Variants in PHIP observed in about 807,000 individuals in gnomAD.
The protein encoded by PHIP is PH-interacting protein.
Under a neutral mutation model 236.8 loss-of-function variants are expected in PHIP, and 54 were observed. That is an observed-to-expected ratio of 0.23 (90% CI 0.18 to 0.29). The LOEUF (loss-of-function observed/expected upper bound fraction) is 0.29. Ranked by LOEUF, PHIP falls within the 10% of genes least tolerant of loss-of-function variation. The pLI is 1.00. For synonymous variants in PHIP, 756 were observed against 718.9 expected, an observed-to-expected ratio of 1.05 and a Z score of -0.83; for missense variants, 1,370 against 2,190.8, an observed-to-expected ratio of 0.63 and a Z score of 7.48.
intron 6 of PHIP, 137 bp from the exon 7 acceptor site, chr6:79,043,140 G>C: frequency 1.1e-5 from 7 of 662,678 alleles, no homozygotes; most frequent in Admixed American, 6.3e-5. Flanking sequence ...ATGGCTTCTA[G>C]TTAAAAGTCT....
At chr6:78,996,723 T>C (rs1229625829) in intron 19 of PHIP, among the ~76,000 whole-genome samples, 3 of 152,188 alleles carry the variant, frequency 2.0e-5, no homozygotes, top group Non-Finnish European at 2.9e-5. Context: ...TTTAATTATG[T>C]AATTACTATC....
intron 15 of PHIP, among the ~76,000 whole-genome samples, chr6:79,010,350 T>C (rs1215504754): frequency 2.0e-5 from 3 of 151,658 alleles, no homozygotes; most frequent in Non-Finnish European, 4.4e-5. Flanking sequence ...TTTGGAACGT[T>C]GCAAGGAGAA....
chr6:79,015,578 A>T, intron 14 of PHIP, 52 bp downstream of exon 14: 1 of 1,330,956 alleles, frequency 7.5e-7, no homozygotes, highest in Non-Finnish European at 1.0e-6. Flanking sequence ...AGAATGTTTC[A>T]TTCTATAGTC....
chr6:79,061,141 ACTT>A (rs1773352611), intron 4 of PHIP, among the ~76,000 whole-genome samples: 3 of 152,318 alleles, frequency 2.0e-5, no homozygotes, highest in Admixed American at 2.0e-4. Context: ...TTTTGGAACA[ACTT>A]CAAAATACTG....
chr6:78,952,324 CAGG>C (rs1242335841), intron 35 of PHIP, among the ~76,000 whole-genome samples: 2 of 148,330 alleles, frequency 1.3e-5, no homozygotes, highest in African/African-American at 5.0e-5. Flanking sequence ...GAGGCCGAGG[CAGG>C]AGAATCGCTT....
chr6:78,999,175 C>T (rs1328241293), intron 17 of PHIP, among the ~76,000 whole-genome samples: 2 of 152,144 alleles, frequency 1.3e-5, no homozygotes, highest in East Asian at 3.8e-4. Context: ...TATTTTAATC[C>T]ATCCAAGTTT....
intron 7 of PHIP, among the ~76,000 whole-genome samples, chr6:79,035,327 A>G (rs1408076753): frequency 6.6e-6 from 1 of 152,142 alleles, no homozygotes. Context: ...GTGTCATAGT[A>G]TTGGCTTCTA....
rs1485895246 is a variant in PHIP at position 78,958,503 on chromosome 6, C to T, written c.3754G>A (p.Val1252Met). 9.0e-6 allele frequency: 14 copies of T among 1,552,532 alleles called. No individual in the cohort carries two copies. In the East Asian group the frequency reaches 2.2e-4, roughly 25 times the overall value. Residue 1252 changes from valine (V) to methionine (M), a missense_variant, in exon 32 of 40, where the codon GTG becomes ATG. This residue lies in a region of PHIP where 238 missense variants were observed against 398.5 expected (regional missense o/e 0.60). Transcript: ENST00000275034. ...GSPIVKSAKF[V>M]TDLLLHFIKD... Reference sequence around the variant, plus strand: ...ATAAAATGTAGAAGAAGATCAGTCACGAATTTAGCAGATTTCACAATAGGG... The same window carrying T: ...ATAAAATGTAGAAGAAGATCAGTCATGAATTTAGCAGATTTCACAATAGGG...
At chr6:79,012,330 C>A (rs1770625594) in intron 15 of PHIP, among the ~76,000 whole-genome samples, 1 of 151,602 alleles carries the variant, frequency 6.6e-6, no homozygotes, top group South Asian at 2.1e-4. Flanking sequence ...GTCTACATTC[C>A]TTATTTTCTA....
chr6:78,988,888 T>C (rs868322280), intron 20 of PHIP, among the ~76,000 whole-genome samples: 28 of 152,134 alleles, frequency 1.8e-4, no homozygotes, highest in South Asian at 6.2e-4. Context: ...CAGAGGCAAA[T>C]TGGAAACCAA....
At chr6:78,986,588 T>C (rs1768881071) in intron 21 of PHIP, among the ~76,000 whole-genome samples, 1 of 152,188 alleles carries the variant, frequency 6.6e-6, no homozygotes, top group African/African-American at 2.4e-5. Flanking sequence ...TAAGCCCAGG[T>C]CACTTTAGTC....
intron 4 of PHIP, among the ~76,000 whole-genome samples, chr6:79,068,474 G>GA (rs367921365): frequency 2.0e-4 from 31 of 152,116 alleles, no homozygotes; most frequent in African/African-American, 7.2e-4. Context: ...AAAACAAAGC[G>GA]AAATAAACAA....
intron 15 of PHIP, among the ~76,000 whole-genome samples, chr6:79,009,496 T>C (rs80045669): frequency 0.037 from 5,576 of 152,142 alleles, 101 homozygotes; most frequent in Middle Eastern, 0.058. Context: ...CATGCTACTG[T>C]TTGAAATTAT....
intron 38 of PHIP, 180 bp from the exon 39 acceptor site, chr6:78,945,677 T>G (rs1165287595): frequency 1.6e-5 from 10 of 619,694 alleles, no homozygotes; most frequent in South Asian, 8.3e-5. Context: ...CTCTTAATAG[T>G]TTCAGCCCTT....
At chr6:78,988,735 G>GT (rs149365393) in intron 20 of PHIP, among the ~76,000 whole-genome samples, 2,312 of 146,492 alleles carry the variant, frequency 0.016, 21 homozygotes, top group African/African-American at 0.021. Context: ...CAAAAATGCT[G>GT]TTTTTTTTTT....
chr6:78,941,018 C>G lies in PHIP; in HGVS notation c.5141G>C (p.Arg1714Thr). The change falls in exon 40 of 40, where the codon AGG (arginine) becomes ACG (threonine). Residue 1714 changes from arginine to threonine, a missense_variant. This residue lies in a region of PHIP where 309 missense variants were observed against 328.3 expected (regional missense o/e 0.94). Coordinates refer to ENST00000275034, the MANE Select transcript of PHIP (RefSeq NM_017934.7). ...DLLQKKNRGG[R>T]KPKRKMKTQK... is the part of the protein sequence containing the mutation. ...TGTCTTCATCTTCCTTTTGGGCTTC[C>G]TACCTCCACGATTCTTTTTCTGTAA... 6.2e-7 allele frequency: 1 copy of G among 1,613,852 alleles called. No individual in the cohort carries two copies.
intron 17 of PHIP, among the ~76,000 whole-genome samples, chr6:79,001,381 T>C (rs949003338): frequency 6.6e-6 from 1 of 152,128 alleles, no homozygotes; most frequent in Non-Finnish European, 1.5e-5. Flanking sequence ...GGTAACTTTT[T>C]AAAACATCTT....
chr6:78,955,070 A>T, intron 34 of PHIP, 107 bp from the exon 35 acceptor site: 1 of 929,662 alleles, frequency 1.1e-6, no homozygotes, highest in Non-Finnish European at 1.6e-6. Context: ...AATTCAAACA[A>T]AAGAAAATAT....
intron 6 of PHIP, among the ~76,000 whole-genome samples, chr6:79,058,622 T>TTCAG (rs1169498422): frequency 6.6e-6 from 1 of 152,120 alleles, no homozygotes; most frequent in Non-Finnish European, 1.5e-5. Context: ...CTTTCCATGC[T>TTCAG]TCAGTCTCCT....
Sources: gnomAD v4.1 joint callset for allele counts (sites outside exome capture counted in the v4.1 genomes callset) on GRCh38, gnomAD v4.1.1 for gene constraint, gnomAD v4.1.1 regional missense constraint, MANE v1.5 for transcripts, NCBI Gene and HGNC (gene_info 2026-07-23, HGNC 2026-07-21) for gene names.